The following RFFL variants were observed in gnomAD, a reference collection of about 807,000 sequenced individuals.
RFFL encodes E3 ubiquitin-protein ligase rififylin.
In RFFL, 16 loss-of-function variants were observed where a neutral mutation model predicts 40.4. That is an observed-to-expected ratio of 0.40 (90% confidence interval 0.27 to 0.60). RFFL has a LOEUF of 0.60. Ranked by LOEUF, RFFL falls within the 20% of genes least tolerant of loss-of-function variation. The probability of loss-of-function intolerance (pLI) is 0.47; values close to 1 mark genes in which losing one functional copy is unlikely to be tolerated. For missense variants in RFFL, 367 were observed against 451.7 expected (o/e 0.81, Z 1.70); for synonymous variants, 154 against 167.9 (o/e 0.92, Z 0.64).
chr17:35,010,444 C>G lies in RFFL; in HGVS notation c.*1524G>C, dbSNP rs1189440978. ...ATCACCTACTCATTGCATGGTCCTTCCTAAAGAGCCTAGAAAATGGTTTCT... is the reference window on the plus strand; with the variant it reads ...ATCACCTACTCATTGCATGGTCCTTGCTAAAGAGCCTAGAAAATGGTTTCT... On this transcript the variant is annotated 3_prime_UTR_variant, in exon 7 of 7. Coordinates refer to ENST00000394597, the MANE Select transcript of RFFL (RefSeq NM_001017368.2). 6.6e-6 allele frequency: 1 copy of G among 152,196 alleles called. No individual in the cohort carries two copies. Among genetic ancestry groups the G allele is most frequent in the Non-Finnish European group, 1.5e-5 (1 of 68,058 alleles). 9.4% of individuals were successfully genotyped at this position (152,196 alleles called of 1,614,324 possible).
intron 1 of RFFL, among the ~76,000 whole-genome samples, chr17:35,058,225 C>A (rs1265179219): frequency 6.6e-6 from 1 of 151,876 alleles, no homozygotes; most frequent in African/African-American, 2.4e-5. Context: ...TCTATCCCCC[C>A]CCACCATACT....
At chr17:35,073,942 C>T (rs1365821796) in intron 1 of RFFL, 1 of 152,208 alleles carries the variant, frequency 6.6e-6, no homozygotes, top group East Asian at 1.9e-4. Flanking sequence ...TCCTTCAGCA[C>T]TAACAAAGCT....
At chr17:35,027,980 G>C (rs1295017327) in intron 1 of RFFL, among the ~76,000 whole-genome samples, 1 of 150,400 alleles carries the variant, frequency 6.6e-6, no homozygotes, top group Non-Finnish European at 1.5e-5. Context: ...TTGCAGTGAC[G>C]GGAGATCGTG....
At chr17:35,079,410 T>A (rs1045373039) in intron 1 of RFFL, among the ~76,000 whole-genome samples, 27 of 152,244 alleles carry the variant, frequency 1.8e-4, no homozygotes, top group Non-Finnish European at 3.1e-4. Flanking sequence ...AACAGAGCTA[T>A]AGATAGCCTG....
rs2091010433 is a variant in RFFL at position 35,021,741 on chromosome 17, CA to C, written c.220del (p.Cys74ValfsTer5). On this transcript the variant is annotated frameshift_variant, in exon 3 of 7. Coordinates refer to ENST00000394597, the MANE Select transcript of RFFL (RefSeq NM_001017368.2). LOFTEE classifies it high-confidence loss of function. ...GGGCCCATTCCCTACTTGGCTCGAA[CA>C]GGTCATGCAAAAATTTTTCTTACAG... Reference protein sequence around the residue: ...LDCKKNFCMTCSSQVGNGPRL... With the variant: ...LDCKKNFCMTXSSQVGNGPRL... The C allele has an allele frequency of 6.2e-7, 1 of 1,614,090 alleles. No individual in the cohort carries two copies. The highest frequency in any genetic ancestry group is 1.3e-5 in the African/African-American group (1 of 74,926).
At chr17:35,033,536 A>G (rs1053997910) in intron 1 of RFFL, among the ~76,000 whole-genome samples, 2 of 150,576 alleles carry the variant, frequency 1.3e-5, no homozygotes, top group African/African-American at 2.5e-5. Context: ...CTCAAAAATA[A>G]ATAAATAAAT....
intron 1 of RFFL, among the ~76,000 whole-genome samples, chr17:35,034,565 G>A (rs1287703827): frequency 1.3e-5 from 2 of 149,026 alleles, no homozygotes; most frequent in African/African-American, 5.0e-5. Context: ...GTCTCACTCT[G>A]TCACCCAGGC....
intron 1 of RFFL, among the ~76,000 whole-genome samples, chr17:35,076,410 G>C (rs764709963): frequency 2.0e-5 from 3 of 151,948 alleles, no homozygotes; most frequent in Non-Finnish European, 2.9e-5. Flanking sequence ...GCCGGGCGTG[G>C]TGATTCATGC....
chr17:35,017,879 C>T (rs1377836028), intron 3 of RFFL, among the ~76,000 whole-genome samples: 1 of 152,184 alleles, frequency 6.6e-6, no homozygotes, highest in African/African-American at 2.4e-5. Context: ...CACAACTCAT[C>T]ATCAATTTAA....
At chr17:35,074,943 T>TC (rs2091368776) in intron 1 of RFFL, among the ~76,000 whole-genome samples, 1 of 152,166 alleles carries the variant, frequency 6.6e-6, no homozygotes, top group African/African-American at 2.4e-5. Context: ...GCCCAATGCT[T>TC]CCCTAGCTCC....
In RFFL at chr17:35,021,770, C is replaced by T; in HGVS notation, c.192G>A (p.Leu64=). The change falls in exon 3 of 7, where the codon TTG becomes TTA. Residue 64 remains leucine, a synonymous_variant. Transcript: ENST00000394597. ...TCATGCAAAAATTTTTCTTACAGTCCAAGCAGGTCTGCTGCTTAGAGCAAA... is the reference window on the plus strand; with the variant it reads ...TCATGCAAAAATTTTTCTTACAGTCTAAGCAGGTCTGCTGCTTAGAGCAAA... ...FANTARKQTC[L]DCKKNFCMTC... The T allele has an allele frequency of 6.2e-7, 1 of 1,614,190 alleles. No individual in the cohort carries two copies. The highest frequency in any genetic ancestry group is 8.5e-7 in the Non-Finnish European group (1 of 1,180,016).
Position 35,007,369 on chromosome 17 carries a change from A to G in RFFL, c.*4599T>C, listed in dbSNP as rs1167032670. On this transcript the variant is annotated 3_prime_UTR_variant, in exon 7 of 7. Coordinates refer to ENST00000394597, the MANE Select transcript of RFFL (RefSeq NM_001017368.2). ...TATACTATTTTGTATCCTTTCATGT[A>G]TTTCTTTCATGTATTTCAATGCAGC... 6.6e-6 allele frequency: 1 copy of G among 151,808 alleles called. No individual in the cohort carries two copies. The highest frequency in any genetic ancestry group is 1.5e-5 in the Non-Finnish European group (1 of 67,934). The allele number at this position is 151,808 out of a possible 1,614,324, so 9.4% of individuals were successfully genotyped here.
rs1392185214 is a variant in RFFL at position 35,055,621 on chromosome 17, A to T, written c.-9+7955T>A. ...AGGAGGCAGAGGTTGCAGTGAGCCG[A>T]GATCATGCCATTGCACTCCAGCCTG... On this transcript the variant is annotated intron_variant, in intron 1 of 6. Coordinates refer to ENST00000394597, the MANE Select transcript of RFFL (RefSeq NM_001017368.2). Among the ~76,000 whole-genome samples, 45 of 150,944 alleles carry T rather than the reference A, an allele frequency of 3.0e-4. 1 individual carries two copies. Among genetic ancestry groups the T allele is most frequent in the Non-Finnish European group, 1.6e-4 (11 of 67,914 alleles).
chr17:35,039,287 T>C (rs1225660006), intron 1 of RFFL, among the ~76,000 whole-genome samples: 1 of 152,062 alleles, frequency 6.6e-6, no homozygotes, highest in East Asian at 1.9e-4. Context: ...TGGCGCAACC[T>C]CGGCTCACTG....
At chr17:35,052,111 T>C (rs1435088863) in intron 1 of RFFL, among the ~76,000 whole-genome samples, 2 of 152,206 alleles carry the variant, frequency 1.3e-5, no homozygotes, top group African/African-American at 4.8e-5. Context: ...GGATTCAATA[T>C]TAACGGTTAG....
At position 35,011,102 on chromosome 17, in the gene RFFL, A is replaced by C. The variant is rs1409149934; in HGVS notation, c.*866T>G. 3 of 152,220 alleles carry C rather than the reference A, an allele frequency of 2.0e-5. No homozygotes were observed. The highest frequency in any genetic ancestry group is 6.5e-5 in the Admixed American group (1 of 15,282). 9.4% of individuals were successfully genotyped at this position (152,220 alleles called of 1,614,324 possible). A position where few individuals can be genotyped will look rare whatever the true frequency, so the allele number is the denominator to read the frequency against. On this transcript the variant is annotated 3_prime_UTR_variant, in exon 7 of 7. Coordinates refer to ENST00000394597, the MANE Select transcript of RFFL (RefSeq NM_001017368.2). The stretch of plus-strand genomic sequence containing the variant: ...CTAGTTGGGAAAAGGATCAGAAGCC[A>C]AGCCAAAATTAAGGAGAAGGCCACT...
chr17:35,065,273 G>A (rs1299868676), upstream of RFFL, among the ~76,000 whole-genome samples: 1 of 151,960 alleles, frequency 6.6e-6, no homozygotes, highest in Non-Finnish European at 1.5e-5. Context: ...TTAAATAAGA[G>A]GGCCGGGCAC....
chr17:35,059,765 A>G (rs1198129743), intron 1 of RFFL, among the ~76,000 whole-genome samples: 1 of 152,202 alleles, frequency 6.6e-6, no homozygotes, highest in African/African-American at 2.4e-5. Flanking sequence ...CTATTCTTGT[A>G]TTTGAAGATG....
intron 4 of RFFL, among the ~76,000 whole-genome samples, 193 bp from the exon 5 acceptor site, chr17:35,016,773 T>C (rs1404380006): frequency 6.6e-6 from 1 of 152,128 alleles, no homozygotes; most frequent in East Asian, 1.9e-4. Context: ...TGACCCACGA[T>C]TCTGTGCTCA....
Sources: allele counts gnomAD v4.1 joint callset (sites outside exome capture counted in the v4.1 genomes callset), GRCh38; gene constraint gnomAD v4.1.1; transcripts MANE v1.5; gene names NCBI Gene and HGNC (gene_info 2026-07-23, HGNC 2026-07-21).